The following DNAJB14 variants were observed in gnomAD, a reference collection of about 807,000 sequenced individuals.
DNAJB14 encodes dnaJ homolog subfamily B member 14.
In DNAJB14, 22 loss-of-function variants were observed where a neutral mutation model predicts 48.4. The observed-to-expected ratio is 0.45, with a 90% CI of 0.32 to 0.65. The LOEUF is 0.65. Ranked by LOEUF, DNAJB14 falls within the 30% of genes least tolerant of loss-of-function variation. DNAJB14 has a pLI of 0.03. For synonymous variants in DNAJB14, 142 were observed against 158.7 expected (o/e 0.89, Z 0.79); for missense variants, 319 against 458.8 (o/e 0.70, Z 2.78).
At position 99,930,339 on chromosome 4, in the gene DNAJB14, T is replaced by A. The variant is rs1726417524; in HGVS notation, c.305+111A>T. The A allele has an allele frequency of 4.4e-6, 5 of 1,125,934 alleles. No individual in the cohort carries two copies. In the African/African-American group the frequency reaches 7.9e-5, roughly 18 times the overall value. 69.7% of individuals were successfully genotyped at this position (1,125,934 alleles called of 1,614,324 possible). A position where few individuals can be genotyped will look rare whatever the true frequency, so the allele number is the denominator to read the frequency against. On this transcript the variant is annotated intron_variant, in intron 2 of 7. Coordinates refer to ENST00000442697, the MANE Select transcript of DNAJB14 (RefSeq NM_001031723.4). ...GCATAAGACACACCCAGAGTTCAAT[T>A]CCTTGATGTCTATTCTTCTAATGTT...
At chr4:99,902,864 G>A (rs1725340676) in intron 7 of DNAJB14, among the ~76,000 whole-genome samples, 1 of 152,066 alleles carries the variant, frequency 6.6e-6, no homozygotes, top group Non-Finnish European at 1.5e-5. Context: ...AATCTCACAG[G>A]GTTGTTGTGA....
At chr4:99,904,679 T>C (rs116593416) in intron 6 of DNAJB14, among the ~76,000 whole-genome samples, 15 of 152,258 alleles carry the variant, frequency 9.9e-5, no homozygotes, top group Admixed American at 4.6e-4. Context: ...TTCTCTCACA[T>C]TGCCTAAAAC....
intron 7 of DNAJB14, among the ~76,000 whole-genome samples, chr4:99,902,017 ACT>A (rs989336794): frequency 1.3e-5 from 2 of 152,162 alleles, no homozygotes; most frequent in African/African-American, 4.8e-5. Flanking sequence ...AATCAACTGG[ACT>A]AGGATTAACA....
At chr4:99,938,780 CA>C (rs1726781964) in intron 1 of DNAJB14, among the ~76,000 whole-genome samples, 2 of 151,788 alleles carry the variant, frequency 1.3e-5, no homozygotes, top group African/African-American at 2.4e-5. Context: ...CAAAATTTTC[CA>C]AAACTAAATG....
intron 1 of DNAJB14, among the ~76,000 whole-genome samples, chr4:99,936,799 C>T (rs762002400): frequency 1.3e-5 from 2 of 152,098 alleles, no homozygotes; most frequent in African/African-American, 4.8e-5. Context: ...CAGATTAAAT[C>T]GGAAACCATG....
intron 7 of DNAJB14, among the ~76,000 whole-genome samples, chr4:99,901,978 G>T (rs1357206999): frequency 2.6e-5 from 4 of 152,114 alleles, no homozygotes; most frequent in Non-Finnish European, 5.9e-5. Context: ...TATTCCATTT[G>T]TAAAGATCTC....
At chr4:99,938,033 G>A (rs900499146) in intron 1 of DNAJB14, among the ~76,000 whole-genome samples, 7 of 147,522 alleles carry the variant, frequency 4.7e-5, no homozygotes, top group Non-Finnish European at 1.0e-4. Context: ...TGAGGCAGGC[G>A]GATCACTTGA....
Position 99,908,738 on chromosome 4 carries a change from T to A in DNAJB14, c.610A>T (p.Ile204Leu), listed in dbSNP as rs538572237. 4.4e-6 allele frequency: 7 copies of A among 1,596,892 alleles called. No individual in the cohort carries two copies. In the East Asian group the frequency reaches 1.4e-4, roughly 31 times the overall value. Residue 204 changes from isoleucine (I) to leucine (L), a missense_variant, in exon 4 of 8, where the codon ATA (isoleucine) becomes TTA (leucine). Physicochemically the swap from Ile to Leu is conservative, Grantham distance 5. Transcript: ENST00000442697. ...ADITPEDLFN[I>L]FFGGGFPSGS... The stretch of plus-strand genomic sequence containing the variant: ...GAAGGAAATCCACCCCCAAAAAATA[T>A]ATTAAACAAGTCTTCTGGAGTTATA...
At chr4:99,933,108 AAC>A (rs1726537892) in intron 1 of DNAJB14, among the ~76,000 whole-genome samples, 1 of 152,048 alleles carries the variant, frequency 6.6e-6, no homozygotes, top group Non-Finnish European at 1.5e-5. Flanking sequence ...ATACTAAAGA[AAC>A]ACTGAATGGT....
intron 1 of DNAJB14, among the ~76,000 whole-genome samples, chr4:99,939,032 C>A (rs781166881): frequency 1.3e-5 from 2 of 151,894 alleles, no homozygotes; most frequent in Admixed American, 6.6e-5. Context: ...AATTGTAGAG[C>A]CAGATATGAA....
At chr4:99,936,051 C>G (rs1313007143) in intron 1 of DNAJB14, among the ~76,000 whole-genome samples, 1 of 151,886 alleles carries the variant, frequency 6.6e-6, no homozygotes, top group African/African-American at 2.4e-5. Context: ...CTCGGTGACA[C>G]AGACTGTATC....
At chr4:99,915,247 C>G (rs375330004) in intron 3 of DNAJB14, among the ~76,000 whole-genome samples, 1 of 152,180 alleles carries the variant, frequency 6.6e-6, no homozygotes, top group East Asian at 1.9e-4. Flanking sequence ...ATGCCATTCT[C>G]CTGCCTCAGC....
chr4:99,936,887 G>T (rs1726694922), intron 1 of DNAJB14, among the ~76,000 whole-genome samples: 1 of 152,174 alleles, frequency 6.6e-6, no homozygotes, highest in Non-Finnish European at 1.5e-5. Context: ...ACCACATTTG[G>T]CAACCATCAG....
chr4:99,922,512 A>G (rs1466840478), intron 3 of DNAJB14: 1 of 151,984 alleles, frequency 6.6e-6, no homozygotes, highest in African/African-American at 2.4e-5. Flanking sequence ...AAAATAAAAA[A>G]ATAAATAGTA....
At chr4:99,915,921 T>C (rs1560736468) in intron 3 of DNAJB14, among the ~76,000 whole-genome samples, 2 of 152,180 alleles carry the variant, frequency 1.3e-5, no homozygotes, top group South Asian at 4.1e-4. Flanking sequence ...TTTCGGTGCA[T>C]ATACATTTAT....
intron 3 of DNAJB14, among the ~76,000 whole-genome samples, chr4:99,918,428 G>T (rs1578222618): frequency 6.6e-6 from 1 of 152,196 alleles, no homozygotes. Flanking sequence ...TAGAGTTTGA[G>T]ATATTCCTGG....
chr4:99,898,287 A>G lies in DNAJB14; in HGVS notation c.*2741T>C, dbSNP rs148570229. 15 of 152,070 alleles carry G rather than the reference A, an allele frequency of 9.9e-5. No homozygotes were observed. Among genetic ancestry groups the G allele is most frequent in the Middle Eastern group, 3.4e-3 (1 of 294 alleles). 9.4% of individuals were successfully genotyped at this position (152,070 alleles called of 1,614,324 possible). A position where few individuals can be genotyped will look rare whatever the true frequency, so the allele number is the denominator to read the frequency against. Reference sequence around the variant, plus strand: ...GTACTTTTCTCTACCAAATCTTTGTAAATCATAAACAAGCATGTAATGATT... The same window carrying G: ...GTACTTTTCTCTACCAAATCTTTGTGAATCATAAACAAGCATGTAATGATT... On this transcript the variant is annotated 3_prime_UTR_variant, in exon 8 of 8. Transcript: ENST00000442697.
chr4:99,912,542 C>T (rs1435186941), intron 3 of DNAJB14, among the ~76,000 whole-genome samples: 2 of 151,996 alleles, frequency 1.3e-5, no homozygotes, highest in South Asian at 2.1e-4. Flanking sequence ...CGCAACGGCG[C>T]GATCTCGGCT....
At chr4:99,915,378 C>G (rs1725818832) in intron 3 of DNAJB14, among the ~76,000 whole-genome samples, 1 of 152,102 alleles carries the variant, frequency 6.6e-6, no homozygotes, top group African/African-American at 2.4e-5. Context: ...ACCTTGCGAT[C>G]CACCCACCTC....
Sources: gnomAD v4.1 joint callset for allele counts (sites outside exome capture counted in the v4.1 genomes callset) on GRCh38, gnomAD v4.1.1 for gene constraint, MANE v1.5 for transcripts, NCBI Gene and HGNC (gene_info 2026-07-23, HGNC 2026-07-21) for gene names.